Variants in YPEL1 observed in about 807,000 individuals in gnomAD.
YPEL1 encodes protein yippee-like 1.
Under a neutral mutation model 17.3 loss-of-function variants are expected in YPEL1, and 7 were observed. The observed-to-expected ratio is 0.40, with a 90% CI of 0.23 to 0.76. YPEL1 has a LOEUF of 0.76. Ranked by LOEUF, YPEL1 falls within the 30% of genes least tolerant of loss-of-function variation. YPEL1 has a pLI of 0.35. For synonymous variants in YPEL1, 59 were observed against 59.6 expected, an observed-to-expected ratio of 0.99 and a Z score of 0.05; for missense variants, 91 against 155.5, an observed-to-expected ratio of 0.59 and a Z score of 2.21.
chr22:21,705,988 G>C (rs959925877), intron 2 of YPEL1, among the ~76,000 whole-genome samples: 1 of 151,780 alleles, frequency 6.6e-6, no homozygotes, highest in African/African-American at 2.4e-5. Context: ...AAATTAGCTG[G>C]GCATGGTGGA....
chr22:21,717,173 C>A (rs545656762), intron 1 of YPEL1, among the ~76,000 whole-genome samples: 69 of 152,038 alleles, frequency 4.5e-4, no homozygotes, highest in Non-Finnish European at 7.7e-4. Flanking sequence ...GTCAGGAGTT[C>A]GAGACCAGCC....
chr22:21,711,874 G>A (rs991219883), intron 1 of YPEL1, among the ~76,000 whole-genome samples: 1 of 152,174 alleles, frequency 6.6e-6, no homozygotes, highest in Admixed American at 6.6e-5. Flanking sequence ...ATTAGACTTC[G>A]TAAAAATTCA....
At chr22:21,704,237 C>G in intron 2 of YPEL1, 1 of 711,392 alleles carries the variant, frequency 1.4e-6, no homozygotes, top group South Asian at 1.5e-5. Flanking sequence ...TTTCTCTACC[C>G]GAAAACCCAC....
intron 2 of YPEL1, among the ~76,000 whole-genome samples, chr22:21,705,176 G>A (rs1601625427): frequency 2.0e-5 from 3 of 152,060 alleles, no homozygotes; most frequent in Admixed American, 1.3e-4. Flanking sequence ...ATAGGGTTTC[G>A]CCATGTTGGC....
In YPEL1 at chr22:21,729,831, A is replaced by C. The variant is rs930977007; in HGVS notation, c.-165+5784T>G. ...ATCCTATAATAATACTGCCTGTAATAAAAGATTAGAAACCACCTCAAGTTT... is the reference window on the plus strand; with the variant it reads ...ATCCTATAATAATACTGCCTGTAATCAAAGATTAGAAACCACCTCAAGTTT... On this transcript the variant is annotated intron_variant, in intron 1 of 4. Coordinates refer to ENST00000339468, the MANE Select transcript of YPEL1 (RefSeq NM_013313.5). 3.3e-5 allele frequency among the ~76,000 whole-genome samples: 5 copies of C among 152,160 alleles called. No homozygotes were observed. In the South Asian group the frequency reaches 6.2e-4, roughly 19 times the overall value.
In YPEL1 at chr22:21,699,924, G is replaced by A. The variant is rs1011809641; in HGVS notation, c.*1205C>T. ...GTCACCTCAGTAAGGGCACCTCTGC[G>A]GGCCCCGGGACAGCCTTCTCTAAGG... On this transcript the variant is annotated 3_prime_UTR_variant, in exon 5 of 5. Coordinates refer to ENST00000339468, the MANE Select transcript of YPEL1 (RefSeq NM_013313.5). 2.0e-5 allele frequency: 3 copies of A among 152,358 alleles called. No individual in the cohort carries two copies. Among genetic ancestry groups the A allele is most frequent in the Non-Finnish European group, 2.9e-5 (2 of 68,014 alleles). The allele number at this position is 152,358 out of a possible 1,614,324, so 9.4% of individuals were successfully genotyped here.
intron 4 of YPEL1, among the ~76,000 whole-genome samples, chr22:21,701,785 C>T (rs141133424): frequency 0.011 from 1,639 of 152,228 alleles, 13 homozygotes; most frequent in Non-Finnish European, 0.018. Context: ...GGAGGCTGGG[C>T]GCAGTGGTGC....
At chr22:21,702,920 AAG>A (rs1044907409) in intron 4 of YPEL1, among the ~76,000 whole-genome samples, 10 of 152,080 alleles carry the variant, frequency 6.6e-5, no homozygotes, top group African/African-American at 2.4e-4. Context: ...GTCCCTGAGA[AAG>A]AGGGATTTGG....
At chr22:21,721,873 C>T (rs2068287242) in intron 1 of YPEL1, among the ~76,000 whole-genome samples, 1 of 152,164 alleles carries the variant, frequency 6.6e-6, no homozygotes, top group African/African-American at 2.4e-5. Flanking sequence ...AATAAATTCC[C>T]ATTTCCTCCT....
intron 1 of YPEL1, among the ~76,000 whole-genome samples, chr22:21,720,809 TTTTG>T (rs1378553739): frequency 4.7e-5 from 6 of 128,560 alleles, no homozygotes; most frequent in Non-Finnish European, 1.0e-4. Context: ...GCCTGGCCGA[TTTTG>T]TTTTTTTTTT....
At position 21,699,967 on chromosome 22, in the gene YPEL1, C is replaced by T. The variant is rs894332146; in HGVS notation, c.*1162G>A. On this transcript the variant is annotated 3_prime_UTR_variant, in exon 5 of 5. Coordinates refer to ENST00000339468, the MANE Select transcript of YPEL1 (RefSeq NM_013313.5). ...CTCTAAGGGCTAGCTCACCTGCTTT[C>T]TAGATAAGGAATCTACTGGCTTAAA... 3.3e-5 allele frequency: 5 copies of T among 152,352 alleles called. No homozygotes were observed. Among genetic ancestry groups the T allele is most frequent in the Non-Finnish European group, 7.3e-5 (5 of 68,044 alleles). The allele number at this position is 152,352 out of a possible 1,614,324, so 9.4% of individuals were successfully genotyped here.
chr22:21,714,452 T>C (rs1189889436), intron 1 of YPEL1, among the ~76,000 whole-genome samples: 1 of 152,174 alleles, frequency 6.6e-6, no homozygotes, highest in Non-Finnish European at 1.5e-5. Context: ...GCTGTGAGAC[T>C]TCTCTGCTGA....
intron 1 of YPEL1, among the ~76,000 whole-genome samples, chr22:21,724,760 T>C (rs2068317479): frequency 6.6e-6 from 1 of 151,314 alleles, no homozygotes; most frequent in Non-Finnish European, 1.5e-5. Flanking sequence ...TCTGTATTTT[T>C]TGTAGAGACA....
Position 21,710,759 on chromosome 22 carries a change from C to T in YPEL1, c.-15G>A, listed in dbSNP as rs2068156240. 1 of 1,606,406 alleles carries T rather than the reference C, an allele frequency of 6.2e-7. No homozygotes were observed. Among genetic ancestry groups the T allele is most frequent in the Non-Finnish European group, 8.5e-7 (1 of 1,172,948 alleles). On this transcript the variant is annotated 5_prime_UTR_variant, in exon 2 of 5. Transcript: ENST00000339468. ...ATTTTCACCATCTCTCCTGGGCACT[C>T]CTCACTCAGCTCAGGGCTGGTTCTG...
rs2068003093 is a variant in YPEL1, at chr22:21,697,963, A to G, written c.*3166T>C. 6.6e-6 allele frequency: 1 copy of G among 152,356 alleles called. No homozygotes were observed. Among genetic ancestry groups the G allele is most frequent in the Admixed American group, 6.5e-5 (1 of 15,278 alleles). The allele number at this position is 152,356 out of a possible 1,614,324, so 9.4% of individuals were successfully genotyped here. A position where few individuals can be genotyped will look rare whatever the true frequency, so the allele number is the denominator to read the frequency against. On this transcript the variant is annotated 3_prime_UTR_variant, in exon 5 of 5. Transcript: ENST00000339468. Reference sequence around the variant, plus strand: ...TGCCATCAAGAATAAGCATTAAGGTATAAAAAATACTGTGTGTATAAAACA... The same window carrying G: ...TGCCATCAAGAATAAGCATTAAGGTGTAAAAAATACTGTGTGTATAAAACA...
At chr22:21,724,041 TA>T (rs2068309234) in intron 1 of YPEL1, among the ~76,000 whole-genome samples, 1 of 152,128 alleles carries the variant, frequency 6.6e-6, no homozygotes, top group Non-Finnish European at 1.5e-5. Flanking sequence ...CATCTGTACG[TA>T]CCATGTATGT....
At chr22:21,735,511 G>C (rs1160081150) in intron 1 of YPEL1, 104 bp downstream of exon 1, 1 of 149,722 alleles carries the variant, frequency 6.7e-6, no homozygotes, top group African/African-American at 2.5e-5. Context: ...CCGCCCGCCC[G>C]GACGCCCAAC....
At chr22:21,708,392 G>C (rs576947145) in intron 2 of YPEL1, among the ~76,000 whole-genome samples, 46 of 140,722 alleles carry the variant, frequency 3.3e-4, no homozygotes, top group Non-Finnish European at 3.0e-5. Context: ...CTGGAGTGCA[G>C]TGGTGTGATC....
At chr22:21,718,128 C>CAAAAAAAAA (rs55677107) in intron 1 of YPEL1, among the ~76,000 whole-genome samples, 1 of 130,472 alleles carries the variant, frequency 7.7e-6, no homozygotes, top group African/African-American at 2.8e-5. Context: ...GACTCTGTCT[C>CAAAAAAAAA]AAAAAAAAAA....
Sources: gnomAD v4.1 joint callset for allele counts (sites outside exome capture counted in the v4.1 genomes callset) on GRCh38, gnomAD v4.1.1 for gene constraint, MANE v1.5 for transcripts, NCBI Gene and HGNC (gene_info 2026-07-23, HGNC 2026-07-21) for gene names.